CDX1: variants seen among roughly 807,000 people sequenced by gnomAD.
The protein encoded by CDX1 is caudal type homeobox 1.
Under a neutral mutation model 16.9 loss-of-function variants are expected in CDX1, and 9 were observed. That is an observed-to-expected ratio of 0.53 (90% CI 0.32 to 0.93). The LOEUF (loss-of-function observed/expected upper bound fraction) is 0.93. Ranked by LOEUF, CDX1 falls within the 40% of genes least tolerant of loss-of-function variation. The probability of loss-of-function intolerance (pLI) is 0.04; values close to 1 mark genes in which losing one functional copy is unlikely to be tolerated. For synonymous variants in CDX1, 179 were observed against 179.0 expected, an observed-to-expected ratio of 1.00 and a Z score of 0.00; for missense variants, 393 against 386.1, an observed-to-expected ratio of 1.02 and a Z score of -0.15.
intron 1 of CDX1, among the ~76,000 whole-genome samples, chr5:150,182,035 G>T (rs895225321): frequency 3.3e-5 from 5 of 152,096 alleles, no homozygotes; most frequent in African/African-American, 1.2e-4. Flanking sequence ...TAGGGGTCCA[G>T]CAGCAGCCCC....
At chr5:150,176,570 A>C (rs977818751) in intron 1 of CDX1, among the ~76,000 whole-genome samples, 1 of 152,158 alleles carries the variant, frequency 6.6e-6, no homozygotes, top group African/African-American at 2.4e-5. Flanking sequence ...GCAGGCAGCA[A>C]GGTGGCAGGG....
chr5:150,181,302 C>T (rs901372979), intron 1 of CDX1, among the ~76,000 whole-genome samples: 35 of 152,216 alleles, frequency 2.3e-4, no homozygotes, highest in Admixed American at 1.4e-3. Context: ...GAGTCTCACT[C>T]GATCACCCAG....
Position 150,166,809 on chromosome 5 carries a change from C to T in CDX1, c.-68C>T, listed in dbSNP as rs749634392. Reference sequence around the variant, plus strand: ...ACAGCCGAGTTCAGGTGAGCGGTTGCTCGTCGTCGGGGCGGCCGGCAGCGG... The same window carrying T: ...ACAGCCGAGTTCAGGTGAGCGGTTGTTCGTCGTCGGGGCGGCCGGCAGCGG... On this transcript the variant is annotated 5_prime_UTR_variant, in exon 1 of 3. Transcript: ENST00000231656. The T allele has an allele frequency of 2.5e-6, 3 of 1,176,682 alleles. No individual in the cohort carries two copies. Among genetic ancestry groups the T allele is most frequent in the Non-Finnish European group, 3.4e-6 (3 of 893,294 alleles). 72.9% of individuals were successfully genotyped at this position (1,176,682 alleles called of 1,614,324 possible).
chr5:150,182,891 A>G lies in CDX1; in HGVS notation c.569A>G (p.Asn190Ser), dbSNP rs746978526. 6.2e-6 allele frequency: 10 copies of G among 1,611,210 alleles called. No homozygotes were observed. Among genetic ancestry groups the G allele is most frequent in the East Asian group, 4.5e-5 (2 of 44,830 alleles). The change falls in exon 2 of 3, where the codon AAT becomes AGT. Residue 190 changes from asparagine to serine, a missense_variant. Coordinates refer to ENST00000231656, the MANE Select transcript of CDX1 (RefSeq NM_001804.3). ...CGGCGGAAATCAGAGCTGGCTGCCAATCTGGGGCTCACTGAACGGCAGGTG... is the reference window on the plus strand; with the variant it reads ...CGGCGGAAATCAGAGCTGGCTGCCAGTCTGGGGCTCACTGAACGGCAGGTG... Reference protein sequence around the residue: ...TIRRKSELAANLGLTERQVKI... With the variant: ...TIRRKSELAASLGLTERQVKI...
chr5:150,166,893 T>TGCTGGACAAG lies in CDX1; in HGVS notation c.19_28dup (p.Asp10AlafsTer93). ...GCGGCCACCATGTATGTGGGCTATG[T>TGCTGGACAAG]GCTGGACAAGGATTCGCCCGTGTAC... On this transcript the variant is annotated frameshift_variant, in exon 1 of 3. Coordinates refer to ENST00000231656, the MANE Select transcript of CDX1 (RefSeq NM_001804.3). LOFTEE classifies it high-confidence loss of function. 3.3e-6 allele frequency: 5 copies of TGCTGGACAAG among 1,518,454 alleles called. No individual in the cohort carries two copies. Among genetic ancestry groups the TGCTGGACAAG allele is most frequent in the Non-Finnish European group, 4.4e-6 (5 of 1,138,992 alleles). 94.1% of individuals were successfully genotyped at this position (1,518,454 alleles called of 1,614,324 possible).
At chr5:150,167,508 C>T (rs1382670874) in intron 1 of CDX1, among the ~76,000 whole-genome samples, 187 bp downstream of exon 1, 1 of 152,212 alleles carries the variant, frequency 6.6e-6, no homozygotes, top group African/African-American at 2.4e-5. Context: ...TCGGAGCCTT[C>T]AGCAGCACAG....
chr5:150,181,097 C>T (rs538404975), intron 1 of CDX1, among the ~76,000 whole-genome samples: 47 of 152,304 alleles, frequency 3.1e-4, no homozygotes, highest in East Asian at 1.9e-3. Context: ...GAGTCCCTCC[C>T]CTTGTCTCCT....
Position 150,167,037 on chromosome 5 carries a change from C to T in CDX1, c.161C>T (p.Ala54Val), listed in dbSNP as rs747218428. ...TCCAGCTACTCTCACGTGGAGCCGGCCCCCGCGCCCCCGACGGCCTGGGGG... is the reference window on the plus strand; with the variant it reads ...TCCAGCTACTCTCACGTGGAGCCGGTCCCCGCGCCCCCGACGGCCTGGGGG... ...DFSSYSHVEP[A>V]PAPPTAWGAP... The change falls in exon 1 of 3, where the codon GCC becomes GTC. Residue 54 changes from alanine to valine, a missense_variant. Transcript: ENST00000231656. 1.7e-5 allele frequency: 24 copies of T among 1,423,878 alleles called. No individual in the cohort carries two copies. The South Asian group carries it at 3.2e-4, about 19-fold the overall frequency. 88.2% of individuals were successfully genotyped at this position (1,423,878 alleles called of 1,614,324 possible).
At chr5:150,173,136 C>T (rs2282810) in intron 1 of CDX1, among the ~76,000 whole-genome samples, 55,726 of 152,036 alleles carry the variant, frequency 0.37, 10,345 homozygotes, top group East Asian at 0.53. Flanking sequence ...TCCTTTTGTT[C>T]TTGAAACCAA....
chr5:150,167,566 G>A (rs1490733938), intron 1 of CDX1, among the ~76,000 whole-genome samples: 1 of 152,234 alleles, frequency 6.6e-6, no homozygotes, highest in Non-Finnish European at 1.5e-5. Context: ...CCCCTGCGAA[G>A]TGCGGAAATG....
At chr5:150,178,524 C>T (rs1761598762) in intron 1 of CDX1, among the ~76,000 whole-genome samples, 1 of 152,202 alleles carries the variant, frequency 6.6e-6, no homozygotes. Context: ...CCCCACTGCT[C>T]TCACACACCT....
chr5:150,169,250 C>G (rs931447715), intron 1 of CDX1, among the ~76,000 whole-genome samples: 1 of 152,100 alleles, frequency 6.6e-6, no homozygotes, highest in Non-Finnish European at 1.5e-5. Flanking sequence ...CACCTCGTGT[C>G]TCTGGGCACG....
chr5:150,184,125 C>T lies in CDX1; in HGVS notation c.*445C>T. 1 of 154,604 alleles carries T rather than the reference C, an allele frequency of 6.5e-6. No homozygotes were observed. Among genetic ancestry groups the T allele is most frequent in the East Asian group, 1.9e-4 (1 of 5,286 alleles). 9.6% of individuals were successfully genotyped at this position (154,604 alleles called of 1,614,324 possible). A position where few individuals can be genotyped will look rare whatever the true frequency, so the allele number is the denominator to read the frequency against. On this transcript the variant is annotated 3_prime_UTR_variant, in exon 3 of 3. Transcript: ENST00000231656. ...TGAGGAGGGAGGAACGTGGTCAACT[C>T]ACACCTGCCTCTTCCTGCAGCCTCA... is the stretch of plus-strand genomic sequence containing the variant.
intron 1 of CDX1, among the ~76,000 whole-genome samples, chr5:150,174,619 C>T (rs946789639): frequency 1.3e-5 from 2 of 152,206 alleles, no homozygotes; most frequent in Non-Finnish European, 2.9e-5. Flanking sequence ...TGAAATACAG[C>T]TAGTGTGACT....
intron 1 of CDX1, among the ~76,000 whole-genome samples, 154 bp downstream of exon 1, chr5:150,167,475 T>C (rs1460805621): frequency 6.6e-6 from 1 of 152,116 alleles, no homozygotes; most frequent in Non-Finnish European, 1.5e-5. Flanking sequence ...GCTCTTTGGC[T>C]CCCTCTCCTC....
At chr5:150,180,465 C>T (rs1027148388) in intron 1 of CDX1, among the ~76,000 whole-genome samples, 1 of 152,210 alleles carries the variant, frequency 6.6e-6, no homozygotes, top group Non-Finnish European at 1.5e-5. Flanking sequence ...ATTTGGCTCA[C>T]GGAGAGCCCA....
chr5:150,181,646 C>T (rs1233550173), intron 1 of CDX1, among the ~76,000 whole-genome samples: 3 of 152,182 alleles, frequency 2.0e-5, no homozygotes, highest in Non-Finnish European at 2.9e-5. Context: ...AAGGCCTTCA[C>T]GGCCCATTCT....
At chr5:150,180,526 G>T (rs1001288935) in intron 1 of CDX1, among the ~76,000 whole-genome samples, 1 of 152,206 alleles carries the variant, frequency 6.6e-6, no homozygotes, top group African/African-American at 2.4e-5. Flanking sequence ...ACAGGCGTCA[G>T]AATGGGGGCG....
intron 1 of CDX1, among the ~76,000 whole-genome samples, chr5:150,177,476 G>T (rs906358595): frequency 6.6e-6 from 1 of 152,142 alleles, no homozygotes; most frequent in East Asian, 1.9e-4. Flanking sequence ...CCTGTATGCC[G>T]CAGGGTTGGA....
Sources: gnomAD v4.1 joint callset for allele counts (sites outside exome capture counted in the v4.1 genomes callset) on GRCh38, gnomAD v4.1.1 for gene constraint, MANE v1.5 for transcripts, NCBI Gene and HGNC (gene_info 2026-07-23, HGNC 2026-07-21) for gene names.